The following MAP3K13 variants were observed in gnomAD, a reference collection of about 807,000 sequenced individuals.
The protein encoded by MAP3K13 is mitogen-activated protein kinase kinase kinase 13.
MAP3K13 carries 52 observed loss-of-function variants against 104.0 expected under a neutral mutation model. That is an observed-to-expected ratio of 0.50 (90% CI 0.40 to 0.63). The LOEUF (loss-of-function observed/expected upper bound fraction) is 0.63, where lower values mean the gene tolerates loss of function less well. Ranked by LOEUF, MAP3K13 falls within the 20% of genes least tolerant of loss-of-function variation. MAP3K13 has a pLI of 0.00. For synonymous variants in MAP3K13, 394 were observed against 442.2 expected (o/e 0.89, Z 1.37); for missense variants, 914 against 1,218.5 (o/e 0.75, Z 3.72).
chr3:185,295,309 A>G (rs1159628222), intron 2 of MAP3K13, among the ~76,000 whole-genome samples: 2 of 152,072 alleles, frequency 1.3e-5, no homozygotes, highest in Non-Finnish European at 2.9e-5. Flanking sequence ...AGGTTCAAGC[A>G]GTTCTCTGCC....
intron 2 of MAP3K13, among the ~76,000 whole-genome samples, chr3:185,325,792 C>T (rs1159258729): frequency 6.6e-6 from 1 of 152,214 alleles, no homozygotes; most frequent in Non-Finnish European, 1.5e-5. Context: ...CCTCTCCCCA[C>T]AGTTACAGGG....
chr3:185,473,648 T>C lies in MAP3K13; in HGVS notation c.2317T>C (p.Ser773Pro). ...HNPLLENAQS[S>P]EKTEENEFSG... is the part of the protein sequence containing the mutation. ...TCCTCTCTTGGAAAACGCCCAGAGT[T>C]CTGAGAAAACGGAAGAAAATGAATT... The change falls in exon 11 of 14, where the codon TCT becomes CCT. Residue 773 changes from serine (S) to proline (P), a missense_variant. Ser to Pro is a moderately conservative substitution (Grantham distance 74, BLOSUM62 -1). This residue lies in a region of MAP3K13 where 583 missense variants were observed against 737.4 expected (regional missense o/e 0.79). Coordinates refer to ENST00000265026, the MANE Select transcript of MAP3K13 (RefSeq NM_004721.5). The surrounding 1 kb of genome is among the most constrained non-coding windows in gnomAD (Gnocchi z 4.9). 6.2e-7 allele frequency: 1 copy of C among 1,614,148 alleles called. No individual in the cohort carries two copies. The highest frequency in any genetic ancestry group is 1.3e-5 in the African/African-American group (1 of 75,022).
At chr3:185,342,382 T>G (rs1180308103) in intron 2 of MAP3K13, among the ~76,000 whole-genome samples, 1 of 152,230 alleles carries the variant, frequency 6.6e-6, no homozygotes, top group Non-Finnish European at 1.5e-5. Flanking sequence ...CTGTCTTATC[T>G]ATGCCACAGG....
intron 1 of MAP3K13, among the ~76,000 whole-genome samples, chr3:185,392,599 T>A (rs1052562196): frequency 1.3e-5 from 2 of 152,148 alleles, no homozygotes; most frequent in African/African-American, 4.8e-5. Flanking sequence ...AGAAGCAAAA[T>A]CGGCCTAGAG....
At chr3:185,306,221 T>C (rs1432511349) in intron 2 of MAP3K13, among the ~76,000 whole-genome samples, 2 of 152,234 alleles carry the variant, frequency 1.3e-5, no homozygotes, top group Non-Finnish European at 2.9e-5. Flanking sequence ...TTTGATATTG[T>C]GAATAGTGCT....
At chr3:185,323,626 C>T (rs942671023) in intron 2 of MAP3K13, among the ~76,000 whole-genome samples, 1 of 152,114 alleles carries the variant, frequency 6.6e-6, no homozygotes, top group African/African-American at 2.4e-5. Context: ...AGCCACCGTG[C>T]CTGGCCACAG....
At chr3:185,454,271 A>C (rs1289501548) in intron 7 of MAP3K13, among the ~76,000 whole-genome samples, 1 of 44,278 alleles carries the variant, frequency 2.3e-5, no homozygotes, top group African/African-American at 5.6e-5. Flanking sequence ...TGAGATATAT[A>C]TCATATATAT....
At chr3:185,319,985 T>C (rs1424009365) in intron 2 of MAP3K13, among the ~76,000 whole-genome samples, 4 of 152,170 alleles carry the variant, frequency 2.6e-5, no homozygotes, top group African/African-American at 9.7e-5. Flanking sequence ...GTCTTCCAAG[T>C]TGGGTATTGC....
At position 185,437,581 on chromosome 3, in the gene MAP3K13, G is replaced by A; in HGVS notation, c.610G>A (p.Asp204Asn). Reference sequence around the variant, plus strand: ...GAAAGTGAGAGAACAGAATGAGACGGATATCAAGCATTTGAGGAAGTTGAA... The same window carrying A: ...GAAAGTGAGAGAACAGAATGAGACGAATATCAAGCATTTGAGGAAGTTGAA... Reference protein sequence around the residue: ...IKKVREQNETDIKHLRKLKHP... With the variant: ...IKKVREQNETNIKHLRKLKHP... The change falls in exon 3 of 14, where the codon GAT becomes AAT. Residue 204 changes from aspartate to asparagine, a missense_variant. Physicochemically the swap from Asp to Asn is conservative, Grantham distance 23. Around this residue, in one of 3 missense-constraint regions of MAP3K13, gnomAD observed 175 missense variants for 321.3 expected, o/e 0.54. Coordinates refer to ENST00000265026, the MANE Select transcript of MAP3K13 (RefSeq NM_004721.5). 1 of 1,613,608 alleles carries A rather than the reference G, an allele frequency of 6.2e-7. No homozygotes were observed. Among genetic ancestry groups the A allele is most frequent in the Non-Finnish European group, 8.5e-7 (1 of 1,179,878 alleles).
At chr3:185,415,879 G>C (rs565338965) in intron 1 of MAP3K13, among the ~76,000 whole-genome samples, 2 of 151,910 alleles carry the variant, frequency 1.3e-5, no homozygotes, top group African/African-American at 4.8e-5. Flanking sequence ...CACTGCTCCC[G>C]GCCAATTTTT....
At chr3:185,385,656 A>G (rs951100533) in intron 1 of MAP3K13, among the ~76,000 whole-genome samples, 1 of 152,226 alleles carries the variant, frequency 6.6e-6, no homozygotes, top group Non-Finnish European at 1.5e-5. Flanking sequence ...ATGAACATAG[A>G]TGCAAAAATC....
At chr3:185,328,987 C>A in intron 2 of MAP3K13, 3 of 464,616 alleles carry the variant, frequency 6.5e-6, no homozygotes, top group Admixed American at 3.3e-5. Flanking sequence ...TTAAAAAAAA[C>A]TATTATGACA....
At chr3:185,341,730 C>A (rs2108721014) in intron 2 of MAP3K13, among the ~76,000 whole-genome samples, 2 of 152,304 alleles carry the variant, frequency 1.3e-5, no homozygotes, top group East Asian at 3.9e-4. Context: ...AAGTTTCCAG[C>A]CTTGGAGACC....
At chr3:185,411,131 A>C (rs1220290170) in intron 1 of MAP3K13, among the ~76,000 whole-genome samples, 2 of 152,106 alleles carry the variant, frequency 1.3e-5, no homozygotes, top group Non-Finnish European at 2.9e-5. Context: ...CTTCAAGTAG[A>C]GTTGTCTTTT....
intron 2 of MAP3K13, among the ~76,000 whole-genome samples, chr3:185,345,170 A>G (rs1459505198): frequency 1.3e-5 from 2 of 151,938 alleles, no homozygotes; most frequent in Non-Finnish European, 2.9e-5. Context: ...CCCCATTTCT[A>G]CTAATCTCAT....
In MAP3K13 at chr3:185,410,764, G is replaced by A. The variant is rs1304762541; in HGVS notation, c.-85-17733G>A. On this transcript the variant is annotated intron_variant, in intron 1 of 13. Coordinates refer to ENST00000265026, the MANE Select transcript of MAP3K13 (RefSeq NM_004721.5). ...AGCCTGGCCAACATGGAGAAACCCC[G>A]TCTCTACTGAAAATACAAAAATTAG... 2.6e-5 allele frequency among the ~76,000 whole-genome samples: 4 copies of A among 151,930 alleles called. No individual in the cohort carries two copies. The East Asian group carries it at 5.8e-4, about 22-fold the overall frequency.
chr3:185,393,431 C>G (rs543069838), intron 1 of MAP3K13, among the ~76,000 whole-genome samples: 23 of 151,644 alleles, frequency 1.5e-4, no homozygotes, highest in Admixed American at 1.3e-3. Flanking sequence ...AGCTGCATTA[C>G]TATTTGCTAT....
intron 10 of MAP3K13, among the ~76,000 whole-genome samples, chr3:185,469,843 A>G (rs1002791630): frequency 2.0e-5 from 3 of 152,216 alleles, no homozygotes; most frequent in African/African-American, 7.2e-5. Context: ...GACCTTCAAT[A>G]AACCAGATTG....
At chr3:185,439,929 G>A (rs1178586064) in intron 3 of MAP3K13, among the ~76,000 whole-genome samples, 1 of 152,110 alleles carries the variant, frequency 6.6e-6, no homozygotes, top group Non-Finnish European at 1.5e-5. Context: ...ATTGTGCAGT[G>A]TTATGTTTGC....
Sources: gnomAD v4.1 joint callset for allele counts (sites outside exome capture counted in the v4.1 genomes callset) on GRCh38, gnomAD v4.1.1 for gene constraint, gnomAD v4.1.1 regional missense constraint, Gnocchi (gnomAD v3.1) non-coding constraint, MANE v1.5 for transcripts, NCBI Gene and HGNC (gene_info 2026-07-23, HGNC 2026-07-21) for gene names.